MORN5: variants seen among roughly 807,000 people sequenced by gnomAD.
MORN5 encodes MORN repeat-containing protein 5.
In MORN5, 21 loss-of-function variants were observed where a neutral mutation model predicts 22.1. The observed-to-expected ratio is 0.95, with a 90% confidence interval of 0.67 to 1.37. The LOEUF is 1.37. MORN5 is among the 40% of genes most tolerant of loss of function. The probability of loss-of-function intolerance (pLI) is 0.00; values close to 1 mark genes in which losing one functional copy is unlikely to be tolerated. For synonymous variants in MORN5, 73 were observed against 74.0 expected (o/e 0.99, Z 0.07); for missense variants, 211 against 215.1 (o/e 0.98, Z 0.12).
At chr9:122,166,251 A>G (rs1320912214) in intron 1 of MORN5, among the ~76,000 whole-genome samples, 3 of 151,080 alleles carry the variant, frequency 2.0e-5, no homozygotes, top group Non-Finnish European at 2.9e-5. Flanking sequence ...TTGGGTGGGG[A>G]CACAGCCAAA....
chr9:122,193,839 CGG>C (rs138650273), intron 4 of MORN5, among the ~76,000 whole-genome samples: 1 of 152,220 alleles, frequency 6.6e-6, no homozygotes, highest in African/African-American at 2.4e-5. Flanking sequence ...GCAGTTCCTC[CGG>C]TGGCTGCATT....
At chr9:122,193,452 G>A (rs1002235403) in intron 4 of MORN5, among the ~76,000 whole-genome samples, 1 of 152,178 alleles carries the variant, frequency 6.6e-6, no homozygotes, top group Non-Finnish European at 1.5e-5. Flanking sequence ...GGGCGTGGTG[G>A]CGCATGCCTG....
At chr9:122,184,808 G>C (rs1271329911) in intron 4 of MORN5, among the ~76,000 whole-genome samples, 1 of 152,246 alleles carries the variant, frequency 6.6e-6, no homozygotes, top group Non-Finnish European at 1.5e-5. Context: ...CTGATAGCAA[G>C]TGGCAGAGCT....
chr9:122,182,879 CACACAACT>C (rs1829557769), intron 4 of MORN5, among the ~76,000 whole-genome samples: 1 of 152,252 alleles, frequency 6.6e-6, no homozygotes, highest in Non-Finnish European at 1.5e-5. Flanking sequence ...TTGCTCGTGT[CACACAACT>C]AGTGATACAG....
chr9:122,170,458 C>A (rs956994558), intron 3 of MORN5, among the ~76,000 whole-genome samples: 4 of 152,160 alleles, frequency 2.6e-5, no homozygotes, highest in African/African-American at 9.7e-5. Context: ...CCTACTATAA[C>A]ACTAAAATTA....
intron 4 of MORN5, 64 bp from the exon 5 acceptor site, chr9:122,199,821 C>A (rs564953386): frequency 1.3e-6 from 2 of 1,548,492 alleles, no homozygotes; most frequent in Admixed American, 3.3e-5. Flanking sequence ...CCTGGGGAAC[C>A]CCCCAGGCCA....
chr9:122,185,445 C>G (rs1379464581), intron 4 of MORN5, among the ~76,000 whole-genome samples: 1 of 144,008 alleles, frequency 6.9e-6, no homozygotes, highest in Non-Finnish European at 1.5e-5. Flanking sequence ...CCAGGATGGT[C>G]TCGATCTCCT....
chr9:122,193,666 A>C (rs1338748972), intron 4 of MORN5, among the ~76,000 whole-genome samples: 1 of 152,262 alleles, frequency 6.6e-6, no homozygotes, highest in Non-Finnish European at 1.5e-5. Context: ...GCCTGTTTTC[A>C]ATTTTATATA....
At chr9:122,175,420 C>T (rs1375715903) in intron 4 of MORN5, 1 of 967,652 alleles carries the variant, frequency 1.0e-6, no homozygotes, top group Non-Finnish European at 1.2e-6. Flanking sequence ...TGAGAAGAAC[C>T]CATTTACAGT....
chr9:122,174,860 A>G, intron 4 of MORN5: 1 of 1,338,100 alleles, frequency 7.5e-7, no homozygotes, highest in Non-Finnish European at 9.6e-7. Flanking sequence ...CGGCACATAA[A>G]TGTCGCACTG....
At chr9:122,190,844 C>T (rs1829745763) in intron 4 of MORN5, among the ~76,000 whole-genome samples, 1 of 152,268 alleles carries the variant, frequency 6.6e-6, no homozygotes, top group East Asian at 1.9e-4. Flanking sequence ...CATTGCTGCC[C>T]TCACTGTGGC....
rs1453744364 is a variant in MORN5, at chr9:122,166,891, T to G, written c.171T>G (p.Ile57Met). ...YFPSGSQYDA[I>M]WENGLAIKGT... ...CCAGCGGAAGCCAATACGACGCCAT[T>G]TGGGAAAACGGATTGGCCATAAAGG... The change falls in exon 2 of 5, where the codon ATT becomes ATG. Residue 57 changes from isoleucine (I) to methionine (M), a missense_variant. By Grantham distance (10) the Ile-to-Met change is conservative. Coordinates refer to ENST00000373764, the MANE Select transcript of MORN5 (RefSeq NM_198469.4). 1 of 1,613,552 alleles carries G rather than the reference T, an allele frequency of 6.2e-7. No homozygotes were observed. Among genetic ancestry groups the G allele is most frequent in the South Asian group, 1.1e-5 (1 of 90,970 alleles).
At chr9:122,178,610 C>T (rs1435747275) in intron 4 of MORN5, among the ~76,000 whole-genome samples, 2 of 152,226 alleles carry the variant, frequency 1.3e-5, no homozygotes, top group Admixed American at 1.3e-4. Flanking sequence ...AGTTCTCTTT[C>T]TGTAACTGGT....
chr9:122,172,678 A>G (rs1192931002), intron 3 of MORN5, among the ~76,000 whole-genome samples: 3 of 152,144 alleles, frequency 2.0e-5, no homozygotes, highest in African/African-American at 7.2e-5. Flanking sequence ...GTGAGTGTTC[A>G]GCTCGTCTTC....
intron 2 of MORN5, 59 bp from the exon 3 acceptor site, chr9:122,169,586 C>T (rs1829337090): frequency 1.7e-6 from 2 of 1,165,330 alleles, no homozygotes; most frequent in Non-Finnish European, 2.6e-6. Flanking sequence ...GACATCTGAA[C>T]CTCTTGGCCA....
At chr9:122,170,375 T>C (rs1829349174) in intron 3 of MORN5, among the ~76,000 whole-genome samples, 1 of 152,076 alleles carries the variant, frequency 6.6e-6, no homozygotes, top group South Asian at 2.1e-4. Context: ...AGATAATTCA[T>C]GTCAGGTGTT....
intron 1 of MORN5, among the ~76,000 whole-genome samples, chr9:122,166,379 TG>T (rs1829282704): frequency 6.6e-6 from 1 of 151,800 alleles, no homozygotes. Flanking sequence ...TAGGCAAGGA[TG>T]GGTTGGTCAT....
At chr9:122,185,376 C>T (rs1400003292) in intron 4 of MORN5, among the ~76,000 whole-genome samples, 1 of 125,874 alleles carries the variant, frequency 7.9e-6, no homozygotes, top group African/African-American at 3.1e-5. Flanking sequence ...GCGCCCACCA[C>T]CATGCCTGGC....
At chr9:122,185,362 A>G in intron 4 of MORN5, among the ~76,000 whole-genome samples, 1 of 150,252 alleles carries the variant, frequency 6.7e-6, no homozygotes, top group East Asian at 2.0e-4. Context: ...AGCTGGGACT[A>G]CAGGCGCCCA....
Sources: allele counts gnomAD v4.1 joint callset (sites outside exome capture counted in the v4.1 genomes callset), GRCh38; gene constraint gnomAD v4.1.1; transcripts MANE v1.5; gene names NCBI Gene and HGNC (gene_info 2026-07-23, HGNC 2026-07-21).